TBC1D8: variants seen among roughly 807,000 people sequenced by gnomAD.
The protein encoded by TBC1D8 is BUB2-like protein 1.
A neutral mutation model predicts 118.8 loss-of-function variants in TBC1D8; 65 were observed. The ratio of observed to expected loss-of-function variants is 0.55; its 90% CI spans 0.45 to 0.67. The LOEUF (loss-of-function observed/expected upper bound fraction) is 0.67. TBC1D8 is among the 30% of genes least tolerant of loss of function. The probability of loss-of-function intolerance (pLI) is 0.00; values close to 1 mark genes in which losing one functional copy is unlikely to be tolerated. For synonymous variants in TBC1D8, 566 were observed against 595.8 expected, an observed-to-expected ratio of 0.95 and a Z score of 0.73; for missense variants, 1,376 against 1,471.2, an observed-to-expected ratio of 0.94 and a Z score of 1.06.
chr2:101,151,061 C>CCG, intron 1 of TBC1D8, 66 bp downstream of exon 1: 1 of 969,386 alleles, frequency 1.0e-6, no homozygotes, highest in South Asian at 4.7e-5. Context: ...GGACTGGGGG[C>CCG]CGCGGGCCCG....
chr2:101,051,826 TG>T (rs1378040650), intron 4 of TBC1D8, among the ~76,000 whole-genome samples: 1 of 152,174 alleles, frequency 6.6e-6, no homozygotes, highest in African/African-American at 2.4e-5. Flanking sequence ...CTGGCGAGGT[TG>T]TGGAGAAAAG....
intron 17 of TBC1D8, among the ~76,000 whole-genome samples, chr2:101,011,904 C>T (rs762237828): frequency 6.6e-6 from 1 of 152,142 alleles, no homozygotes; most frequent in Non-Finnish European, 1.5e-5. Flanking sequence ...GAAATAAATA[C>T]ACTAAATCTC....
At chr2:101,059,397 A>G in intron 3 of TBC1D8, 24 bp downstream of exon 3, 1 of 1,541,674 alleles carries the variant, frequency 6.5e-7, no homozygotes, top group Non-Finnish European at 9.0e-7. Flanking sequence ...AGATGGGGAG[A>G]AACATGAAAC....
rs1480818652 is a variant in TBC1D8 at position 101,027,389 on chromosome 2, T to C, written c.2514A>G (p.Leu838=). 2 of 1,612,938 alleles carry C rather than the reference T, an allele frequency of 1.2e-6. No individual in the cohort carries two copies. The highest frequency in any genetic ancestry group is 1.7e-6 in the Non-Finnish European group (2 of 1,179,198). ...LPEDLEELYD[L]FKREHMMSCY... ...TCTTCCCAGAGCTGCGTACCTTGAA[T>C]AAGTCGTAGAGCTCCTCTAGGTCTT... Residue 838 remains leucine (L), a synonymous_variant, in exon 15 of 20, where the codon TTA becomes TTG. Coordinates refer to ENST00000409318, the MANE Select transcript of TBC1D8 (RefSeq NM_001330348.2).
At chr2:101,105,836 C>T (rs375097887) in intron 1 of TBC1D8, among the ~76,000 whole-genome samples, 4 of 152,094 alleles carry the variant, frequency 2.6e-5, no homozygotes, top group South Asian at 2.1e-4. Flanking sequence ...ACAGCCTTAT[C>T]GTATGATCCC....
At chr2:101,011,988 G>C (rs966619797) in intron 17 of TBC1D8, among the ~76,000 whole-genome samples, 1 of 152,178 alleles carries the variant, frequency 6.6e-6, no homozygotes, top group Non-Finnish European at 1.5e-5. Flanking sequence ...ACATACTGCT[G>C]TACTTACACG....
intron 2 of TBC1D8, among the ~76,000 whole-genome samples, chr2:101,064,163 G>A (rs182212998): frequency 6.4e-4 from 97 of 152,324 alleles, no homozygotes; most frequent in Non-Finnish European, 1.1e-3. Context: ...GCACTTTTAA[G>A]GAGGTATACG....
chr2:101,081,236 T>C (rs1345002865), intron 2 of TBC1D8, among the ~76,000 whole-genome samples: 1 of 152,352 alleles, frequency 6.6e-6, no homozygotes, highest in East Asian at 1.9e-4. Context: ...TCCCAAGATG[T>C]GGCAGTGCCC....
intron 1 of TBC1D8, among the ~76,000 whole-genome samples, chr2:101,143,491 T>A (rs1295916668): frequency 6.6e-6 from 1 of 152,190 alleles, no homozygotes; most frequent in Non-Finnish European, 1.5e-5. Context: ...TGGCTGGTGA[T>A]ACACTAGAGG....
intron 1 of TBC1D8, among the ~76,000 whole-genome samples, chr2:101,122,872 T>G (rs1162247037): frequency 6.6e-6 from 1 of 152,054 alleles, no homozygotes; most frequent in African/African-American, 2.4e-5. Context: ...GATCAAGGTG[T>G]AAAATGTGCT....
At chr2:101,096,617 G>A (rs1676463804) in intron 1 of TBC1D8, among the ~76,000 whole-genome samples, 1 of 151,856 alleles carries the variant, frequency 6.6e-6, no homozygotes, top group Non-Finnish European at 1.5e-5. Flanking sequence ...ACAGAGAGAT[G>A]GAAACTCTGA....
At position 101,028,130 on chromosome 2, in the gene TBC1D8, G is replaced by A; in HGVS notation, c.2369C>T (p.Ser790Phe). ...ACGTAGGTGCTCGATCTGCTCCACA[G>A]ACTGGTCTCCAAATTTCTGCAGGGA... ...RDSYEKFGDQSVEQIEHLRYK... is the reference protein window; with the variant it reads ...RDSYEKFGDQFVEQIEHLRYK... The change falls in exon 14 of 20, where the codon TCT becomes TTT. Residue 790 changes from serine (S) to phenylalanine (F), a missense_variant. Ser to Phe is a radical substitution (Grantham distance 155, BLOSUM62 -2). Transcript: ENST00000409318. 6.2e-7 allele frequency: 1 copy of A among 1,613,870 alleles called. No homozygotes were observed. Among genetic ancestry groups the A allele is most frequent in the Non-Finnish European group, 8.5e-7 (1 of 1,179,882 alleles).
chr2:101,124,830 T>C (rs1283669324), intron 1 of TBC1D8, among the ~76,000 whole-genome samples: 1 of 152,120 alleles, frequency 6.6e-6, no homozygotes, highest in Non-Finnish European at 1.5e-5. Flanking sequence ...AGAGGCTGGG[T>C]GGCCAGGAAT....
intron 5 of TBC1D8, 91 bp from the exon 6 acceptor site, chr2:101,040,476 C>A (rs997835871): frequency 1.5e-6 from 2 of 1,339,632 alleles, no homozygotes; most frequent in Non-Finnish European, 2.0e-6. Flanking sequence ...TTTTTTGTTT[C>A]ATTTTATTTT....
At chr2:101,016,336 C>A (rs1259576171) in intron 17 of TBC1D8, among the ~76,000 whole-genome samples, 1 of 151,592 alleles carries the variant, frequency 6.6e-6, no homozygotes, top group East Asian at 1.9e-4. Context: ...CTCATCATCA[C>A]TGGCCATCAG....
At chr2:101,062,180 G>A (rs1254149960) in intron 2 of TBC1D8, among the ~76,000 whole-genome samples, 1 of 152,222 alleles carries the variant, frequency 6.6e-6, no homozygotes, top group East Asian at 1.9e-4. Flanking sequence ...CACCCAAGCT[G>A]ATAATCTTGC....
chr2:101,133,261 A>C (rs1424093065), intron 1 of TBC1D8, among the ~76,000 whole-genome samples: 1 of 152,146 alleles, frequency 6.6e-6, no homozygotes, highest in Non-Finnish European at 1.5e-5. Context: ...AGAAATGCAT[A>C]TAGAAATATT....
rs913117565 is a variant in TBC1D8 at position 101,022,144 on chromosome 2, A to G, written c.2761+137T>C. The stretch of plus-strand genomic sequence containing the variant: ...AGAGGGGCCTGCAGAGTGATATTTC[A>G]AAATCATAAGTTCATGTCAGGCCAG... On this transcript the variant is annotated intron_variant, in intron 16 of 19. Coordinates refer to ENST00000409318, the MANE Select transcript of TBC1D8 (RefSeq NM_001330348.2). 2.8e-6 allele frequency: 4 copies of G among 1,429,662 alleles called. No individual in the cohort carries two copies. The African/African-American group carries it at 5.8e-5, about 21-fold the overall frequency. The allele number at this position is 1,429,662 out of a possible 1,614,324, so 88.6% of individuals were successfully genotyped here.
At chr2:101,117,074 A>T (rs1200295195) in intron 1 of TBC1D8, among the ~76,000 whole-genome samples, 1 of 151,964 alleles carries the variant, frequency 6.6e-6, no homozygotes, top group Non-Finnish European at 1.5e-5. Context: ...CTGTGTGATG[A>T]CTGAGGCAGG....
Sources: allele counts gnomAD v4.1 joint callset (sites outside exome capture counted in the v4.1 genomes callset), GRCh38; gene constraint gnomAD v4.1.1; transcripts MANE v1.5; gene names NCBI Gene and HGNC (gene_info 2026-07-23, HGNC 2026-07-21).